The following UGT1A10 variants were observed in gnomAD, a reference collection of about 807,000 sequenced individuals.
The protein encoded by UGT1A10 is UDP-glucuronosyltransferase 1A10.
UGT1A10 carries 49 observed loss-of-function variants against 45.8 expected under a neutral mutation model. That is an observed-to-expected ratio of 1.07 (90% CI 0.85 to 1.36). The LOEUF (loss-of-function observed/expected upper bound fraction) is 1.36. Among genes scored for constraint, UGT1A10 ranks in the 40% most tolerant of loss-of-function variants. UGT1A10 has a pLI of 0.00. For missense variants in UGT1A10, 745 were observed against 668.6 expected (o/e 1.11, Z -1.26); for synonymous variants, 284 against 249.7 (o/e 1.14, Z -1.29).
At chr2:233,721,918 T>C in intron 1 of UGT1A10, 1 of 410,238 alleles carries the variant, frequency 2.4e-6, no homozygotes, top group Non-Finnish European at 4.9e-6. Flanking sequence ...ACTGCTTCCA[T>C]AAAGTGACAT....
chr2:233,679,545 CT>C (rs113272257), intron 1 of UGT1A10, among the ~76,000 whole-genome samples: 3 of 151,408 alleles, frequency 2.0e-5, no homozygotes, highest in African/African-American at 2.4e-5. Context: ...TTTGTGTCAT[CT>C]TTTTTTTTGT....
intron 1 of UGT1A10, among the ~76,000 whole-genome samples, chr2:233,711,237 C>T (rs1027973680): frequency 3.3e-5 from 5 of 152,218 alleles, no homozygotes; most frequent in African/African-American, 7.2e-5. Flanking sequence ...GAAGGCACCA[C>T]CATCTTCCAA....
In UGT1A10 at chr2:233,767,014, A is replaced by C. The variant is rs1355233349; in HGVS notation, c.856-20A>C. The C allele has an allele frequency of 5.6e-6, 9 of 1,613,832 alleles. No individual in the cohort carries two copies. Among genetic ancestry groups the C allele is most frequent in the Non-Finnish European group, 1.7e-6 (2 of 1,179,972 alleles). On this transcript the variant is annotated intron_variant, in intron 1 of 4. Coordinates refer to ENST00000344644, the MANE Select transcript of UGT1A10 (RefSeq NM_019075.4). ...AGAATATGAGAAAAAATTAACTGAA[A>C]ATTTTTCTTCTGGCTCTAGGAATTT...
intron 1 of UGT1A10, among the ~76,000 whole-genome samples, chr2:233,731,819 C>T (rs1478115630): frequency 1.3e-5 from 2 of 152,132 alleles, no homozygotes; most frequent in Non-Finnish European, 2.9e-5. Context: ...ATGGCTGTGT[C>T]AAATGGTATT....
At chr2:233,682,769 C>T (rs2074598452) in intron 1 of UGT1A10, 1 of 1,613,580 alleles carries the variant, frequency 6.2e-7, no homozygotes, top group African/African-American at 1.3e-5. Flanking sequence ...TATCAACTGT[C>T]ATCAGGGAAA....
At chr2:233,679,984 A>G (rs915636414) in intron 1 of UGT1A10, among the ~76,000 whole-genome samples, 1 of 152,284 alleles carries the variant, frequency 6.6e-6, no homozygotes, top group South Asian at 2.1e-4. Flanking sequence ...CAATGTCTTC[A>G]TGAATCTTTT....
Position 233,692,995 on chromosome 2 carries a change from T to G in UGT1A10, c.855+55618T>G, listed in dbSNP as rs1456334017. 5.0e-6 allele frequency: 8 copies of G among 1,613,894 alleles called. No homozygotes were observed. In the African/African-American group the frequency reaches 9.3e-5, roughly 19 times the overall value. On this transcript the variant is annotated intron_variant, in intron 1 of 4. Transcript: ENST00000344644. ...TCTTTATTACCGTTGTTACTTTAACTCTTTCCAGGATGGCCTGCCTCCTTC... is the reference window on the plus strand; with the variant it reads ...TCTTTATTACCGTTGTTACTTTAACGCTTTCCAGGATGGCCTGCCTCCTTC...
At chr2:233,707,372 C>T (rs913924514) in intron 1 of UGT1A10, among the ~76,000 whole-genome samples, 1 of 152,014 alleles carries the variant, frequency 6.6e-6, no homozygotes, top group Non-Finnish European at 1.5e-5. Flanking sequence ...AGGTATTAAG[C>T]TCAGCATCCA....
At chr2:233,687,032 G>T (rs1469264089) in intron 1 of UGT1A10, among the ~76,000 whole-genome samples, 1 of 152,216 alleles carries the variant, frequency 6.6e-6, no homozygotes, top group Non-Finnish European at 1.5e-5. Flanking sequence ...GTTCAATGTA[G>T]TGTTTGAGCA....
At position 233,636,846 on chromosome 2, in the gene UGT1A10, A is replaced by G. The variant is rs779900136; in HGVS notation, c.324A>G (p.Leu108=). ...CACAGGCACAAAGTATATTTTCTCTATTAATGAGTTCATCCAGTGGTTTTC... is the reference window on the plus strand; with the variant it reads ...CACAGGCACAAAGTATATTTTCTCTGTTAATGAGTTCATCCAGTGGTTTTC... ...WKAQAQSIFS[L]LMSSSSGFLD... The change falls in exon 1 of 5, where the codon CTA becomes CTG. Residue 108 remains leucine, a synonymous_variant. Coordinates refer to ENST00000344644, the MANE Select transcript of UGT1A10 (RefSeq NM_019075.4). 6.2e-6 allele frequency: 10 copies of G among 1,614,054 alleles called. No homozygotes were observed. The African/African-American group carries it at 6.7e-5, about 11-fold the overall frequency.
intron 1 of UGT1A10, among the ~76,000 whole-genome samples, chr2:233,738,018 T>C (rs11902624): frequency 0.019 from 2,936 of 152,240 alleles, 43 homozygotes; most frequent in African/African-American, 0.03. Flanking sequence ...TCTTGAATTG[T>C]AATCCCCATA....
chr2:233,746,462 G>C (rs1030213757), intron 1 of UGT1A10, among the ~76,000 whole-genome samples: 10 of 151,612 alleles, frequency 6.6e-5, no homozygotes, highest in Admixed American at 3.9e-4. Context: ...CCTTCAAAAG[G>C]GTTCCAGAAA....
chr2:233,682,829 T>A, intron 1 of UGT1A10: 1 of 1,558,018 alleles, frequency 6.4e-7, no homozygotes, highest in Non-Finnish European at 8.7e-7. Flanking sequence ...AAGAATAATC[T>A]GGCTTTGGAA....
chr2:233,757,562 G>GTATATATATATATATATA (rs1491042837), intron 1 of UGT1A10, among the ~76,000 whole-genome samples: 1 of 90,870 alleles, frequency 1.1e-5, no homozygotes, highest in Non-Finnish European at 2.1e-5. Context: ...ATATATATAT[G>GTATATATATATATATATA]TATATATGAT....
At chr2:233,698,551 A>C (rs2075447544) in intron 1 of UGT1A10, among the ~76,000 whole-genome samples, 2 of 152,272 alleles carry the variant, frequency 1.3e-5, no homozygotes, top group Admixed American at 6.5e-5. Flanking sequence ...AGTGGCCAAC[A>C]AAACTTTAAG....
At chr2:233,651,573 C>T (rs978242918) in intron 1 of UGT1A10, among the ~76,000 whole-genome samples, 1 of 152,068 alleles carries the variant, frequency 6.6e-6, no homozygotes, top group Non-Finnish European at 1.5e-5. Context: ...AAAGAGTGCC[C>T]TTTGACAAAG....
At chr2:233,677,167 A>G (rs1261255264) in intron 1 of UGT1A10, among the ~76,000 whole-genome samples, 2 of 152,192 alleles carry the variant, frequency 1.3e-5, no homozygotes, top group Admixed American at 6.5e-5. Flanking sequence ...TGAGTTTTCC[A>G]ATTCATTAAC....
intron 1 of UGT1A10, among the ~76,000 whole-genome samples, chr2:233,730,881 T>C (rs2078083479): frequency 6.6e-6 from 1 of 152,122 alleles, no homozygotes. Context: ...CAGGTTTCTA[T>C]AGTGGGATCT....
In UGT1A10 at chr2:233,724,875, G is replaced by T. The variant is rs4622712; in HGVS notation, c.856-42159G>T. Among the ~76,000 whole-genome samples, 5 of 115,660 alleles carry T rather than the reference G, an allele frequency of 4.3e-5. 1 individual carries two copies. The highest frequency in any genetic ancestry group is 3.3e-4 in the South Asian group (1 of 3,000). The allele number at this position is 115,660 out of a possible 152,430, so 75.9% of individuals were successfully genotyped here. The stretch of plus-strand genomic sequence containing the variant: ...CTGGGAGGTGTAGGTTGTAGTGAGC[G>T]GAGATCACGCCACTGCACTCCAGCC... On this transcript the variant is annotated intron_variant, in intron 1 of 4. Coordinates refer to ENST00000344644, the MANE Select transcript of UGT1A10 (RefSeq NM_019075.4).
Sources: allele counts gnomAD v4.1 joint callset (sites outside exome capture counted in the v4.1 genomes callset), GRCh38; gene constraint gnomAD v4.1.1; transcripts MANE v1.5; gene names NCBI Gene and HGNC (gene_info 2026-07-23, HGNC 2026-07-21).